The following SUB1 variants were observed in gnomAD, a reference collection of about 807,000 sequenced individuals.
SUB1 encodes the protein SUB1 regulator of transcription.
In SUB1, 1 loss-of-function variant was observed where a neutral mutation model predicts 16.9. That is an observed-to-expected ratio of 0.06 (90% CI 0.02 to 0.28). SUB1 has a LOEUF of 0.28. Ranked by LOEUF, SUB1 falls within the 10% of genes least tolerant of loss-of-function variation. The pLI is 1.00. For missense variants in SUB1, 84 were observed against 145.2 expected (o/e 0.58, Z 2.16); for synonymous variants, 51 against 46.9 (o/e 1.09, Z -0.36).
chr5:32,589,317 C>T (rs780004397), intron 2 of SUB1, among the ~76,000 whole-genome samples: 10 of 152,112 alleles, frequency 6.6e-5, no homozygotes, highest in Non-Finnish European at 8.8e-5. Flanking sequence ...AAACTCCTGG[C>T]CTCAGGCAAT....
In SUB1 at chr5:32,589,250, T is replaced by TA. The variant is rs1260690600; in HGVS notation, c.72+676dup. 8.0e-4 allele frequency among the ~76,000 whole-genome samples: 120 copies of TA among 149,756 alleles called. 1 individual carries two copies. The highest frequency in any genetic ancestry group is 3.2e-3 in the South Asian group (15 of 4,722). Reference sequence around the variant, plus strand: ...ACTACAGGCATCATGCCTGGTTAATTAAAAAAAAAATGTTTTTGTAGGGAC... The same window carrying TA: ...ACTACAGGCATCATGCCTGGTTAATTAAAAAAAAAAATGTTTTTGTAGGGAC... On this transcript the variant is annotated intron_variant, in intron 2 of 4. Transcript: ENST00000265073.
In SUB1 at chr5:32,598,990, C is replaced by A; in HGVS notation, c.225C>A (p.Arg75=). 1 of 1,612,992 alleles carries A rather than the reference C, an allele frequency of 6.2e-7. No homozygotes were observed. The highest frequency in any genetic ancestry group is 1.1e-5 in the South Asian group (1 of 90,968). ...GGAAAATGAGGTACGTTAGTGTTCG[C>A]GATTTTAAAGGCAAAGTGCTAATTG... ...QIGKMRYVSV[R]DFKGKVLIDI... Residue 75 remains arginine, a synonymous_variant, in exon 4 of 5, where the codon CGC becomes CGA. Coordinates refer to ENST00000265073, the MANE Select transcript of SUB1 (RefSeq NM_006713.4).
rs559678176 is a variant in SUB1, at chr5:32,589,094, A to T, written c.72+510A>T. On this transcript the variant is annotated intron_variant, in intron 2 of 4. Transcript: ENST00000265073. ...CCAGATTTTTTTTTGTAAAATGTTA[A>T]TTTTTTTTTTTAAAGACAGGGTCTT... 1.8e-3 allele frequency among the ~76,000 whole-genome samples: 267 copies of T among 148,688 alleles called. 1 individual carries two copies. Among genetic ancestry groups the T allele is most frequent in the African/African-American group, 6.4e-3 (260 of 40,698 alleles).
intron 1 of SUB1, chr5:32,586,017 A>C (rs1362296639): frequency 6.6e-6 from 1 of 152,224 alleles, no homozygotes; most frequent in African/African-American, 2.4e-5. Flanking sequence ...CCTCGCCCTG[A>C]GCGGGGCGCT....
At position 32,602,305 on chromosome 5, in the gene SUB1, C is replaced by T. The variant is rs987905712; in HGVS notation, c.*1221C>T. ...GAATTATAACTGAAATTAAAGGAGG[C>T]GGCAGTGAAGAGGAAATAATTCTCT... On this transcript the variant is annotated 3_prime_UTR_variant, in exon 5 of 5. Transcript: ENST00000265073. 2.5e-5 allele frequency: 11 copies of T among 438,568 alleles called. No individual in the cohort carries two copies. Among genetic ancestry groups the T allele is most frequent in the East Asian group, 2.1e-4 (3 of 14,188 alleles). The allele number at this position is 438,568 out of a possible 1,614,324, so 27.2% of individuals were successfully genotyped here.
intron 4 of SUB1, among the ~76,000 whole-genome samples, chr5:32,599,528 A>G (rs1739064830): frequency 6.6e-6 from 1 of 152,222 alleles, no homozygotes; most frequent in African/African-American, 2.4e-5. Flanking sequence ...TTAGCATTGT[A>G]GAAACATATT....
chr5:32,599,931 A>G lies in SUB1; in HGVS notation c.304+862A>G, dbSNP rs183338450. 2.0e-5 allele frequency among the ~76,000 whole-genome samples: 3 copies of G among 152,352 alleles called. No homozygotes were observed. In the East Asian group the frequency reaches 5.8e-4, roughly 29 times the overall value. The stretch of plus-strand genomic sequence containing the variant: ...GTCGGTATTGGAATGCTAGAACGTT[A>G]AAGTACAAAATATAGAAAATATAAA... On this transcript the variant is annotated intron_variant, in intron 4 of 4. Coordinates refer to ENST00000265073, the MANE Select transcript of SUB1 (RefSeq NM_006713.4).
intron 3 of SUB1, chr5:32,594,561 G>A (rs1221627708): frequency 2.2e-6 from 1 of 449,858 alleles, no homozygotes; most frequent in Non-Finnish European, 4.5e-6. Flanking sequence ...TTTCTTTTTT[G>A]TGTTTGAAGG....
chr5:32,599,510 C>T (rs1330687543), intron 4 of SUB1, among the ~76,000 whole-genome samples: 1 of 152,186 alleles, frequency 6.6e-6, no homozygotes, highest in South Asian at 2.1e-4. Context: ...CATCCAGTCC[C>T]AAGCCTCTTA....
At chr5:32,588,694 G>A in intron 2 of SUB1, 110 bp downstream of exon 2, 1 of 1,109,146 alleles carries the variant, frequency 9.0e-7, no homozygotes, top group Non-Finnish European at 1.2e-6. Context: ...GGATCTAGCT[G>A]GGCGCGGTGG....
At chr5:32,594,603 T>G (rs1738909533) in intron 3 of SUB1, 1 of 455,330 alleles carries the variant, frequency 2.2e-6, no homozygotes, top group African/African-American at 2.0e-5. Context: ...CAGGGGTCCC[T>G]CCTGCACAGG....
At chr5:32,591,785 C>T (rs1738833949) in intron 3 of SUB1, 100 bp downstream of exon 3, 1 of 1,351,480 alleles carries the variant, frequency 7.4e-7, no homozygotes, top group Non-Finnish European at 9.7e-7. Context: ...ACTGCAACCT[C>T]AGCCTCCTGA....
intron 4 of SUB1, among the ~76,000 whole-genome samples, chr5:32,599,691 C>T (rs986147345): frequency 4.0e-5 from 6 of 150,882 alleles, no homozygotes; most frequent in Non-Finnish European, 7.4e-5. Context: ...CACTTGTTTG[C>T]TTCATGCAGT....
In SUB1 at chr5:32,591,641, T is replaced by C. The variant is rs1738828276; in HGVS notation, c.151T>C (p.Ser51Pro). The change falls in exon 3 of 5, where the codon TCT becomes CCT. Residue 51 changes from serine (S) to proline (P), a missense_variant. Physicochemically the swap from Ser to Pro is moderately conservative, Grantham distance 74. Coordinates refer to ENST00000265073, the MANE Select transcript of SUB1 (RefSeq NM_006713.4). ...KTGETSRALSSSKQSSSSRDD... is the reference protein window; with the variant it reads ...KTGETSRALSPSKQSSSSRDD... ...AGGTGAGACTTCGAGAGCCCTGTCA[T>C]CTTCTAAACAGAGCAGCAGCAGCAG... 2 of 1,607,788 alleles carry C rather than the reference T, an allele frequency of 1.2e-6. No homozygotes were observed. The highest frequency in any genetic ancestry group is 1.7e-5 in the Admixed American group (1 of 58,946).
At chr5:32,593,852 C>T (rs919108968) in intron 3 of SUB1, among the ~76,000 whole-genome samples, 1 of 152,172 alleles carries the variant, frequency 6.6e-6, no homozygotes, top group African/African-American at 2.4e-5. Context: ...CGCCACCACC[C>T]CCAGCCAATT....
At chr5:32,590,728 TG>T (rs1738799368) in intron 2 of SUB1, among the ~76,000 whole-genome samples, 1 of 143,270 alleles carries the variant, frequency 7.0e-6, no homozygotes, top group Admixed American at 7.3e-5. Flanking sequence ...TCCGAGTAGC[TG>T]GGATTACAGG....
intron 3 of SUB1, chr5:32,598,109 G>C (rs1449122630): frequency 2.0e-5 from 3 of 149,842 alleles, no homozygotes; most frequent in African/African-American, 7.3e-5. Context: ...TTAAAGACAG[G>C]ATCTTGCTGT....
intron 3 of SUB1, among the ~76,000 whole-genome samples, chr5:32,593,118 TC>T (rs1738872374): frequency 6.6e-6 from 1 of 152,090 alleles, no homozygotes; most frequent in African/African-American, 2.4e-5. Context: ...GCTCAAATGA[TC>T]CTCCTGCCTC....
rs1362238230 is a variant in SUB1 at position 32,602,367 on chromosome 5, T to C, written c.*1283T>C. 3.1e-6 allele frequency: 1 copy of C among 322,180 alleles called. No homozygotes were observed. Among genetic ancestry groups the C allele is most frequent in the South Asian group, 2.5e-5 (1 of 40,798 alleles). The allele number at this position is 322,180 out of a possible 1,614,324, so 20.0% of individuals were successfully genotyped here. A position where few individuals can be genotyped will look rare whatever the true frequency, so the allele number is the denominator to read the frequency against. On this transcript the variant is annotated 3_prime_UTR_variant, in exon 5 of 5. Transcript: ENST00000265073. Reference sequence around the variant, plus strand: ...GATATACATATGATATTTTGAGATTTTTATAACAGCAGTGGAACACAATTC... The same window carrying C: ...GATATACATATGATATTTTGAGATTCTTATAACAGCAGTGGAACACAATTC...
Sources: allele counts gnomAD v4.1 joint callset (sites outside exome capture counted in the v4.1 genomes callset), GRCh38; gene constraint gnomAD v4.1.1; transcripts MANE v1.5; gene names NCBI Gene and HGNC (gene_info 2026-07-23, HGNC 2026-07-21).